HOOK3: variants seen among roughly 807,000 people sequenced by gnomAD.
HOOK3 encodes protein Hook homolog 3.
A neutral mutation model predicts 116.3 loss-of-function variants in HOOK3; 24 were observed. That is an observed-to-expected ratio of 0.21 (90% CI 0.15 to 0.29). The LOEUF (loss-of-function observed/expected upper bound fraction) is 0.29, where lower values mean the gene tolerates loss of function less well. Among genes scored for constraint, HOOK3 ranks in the 10% least tolerant of loss-of-function variants. HOOK3 has a pLI of 1.00. For synonymous variants in HOOK3, 275 were observed against 283.0 expected (o/e 0.97, Z 0.28); for missense variants, 632 against 830.2 (o/e 0.76, Z 2.93).
At chr8:42,948,381 A>G (rs1487781679) in intron 5 of HOOK3, among the ~76,000 whole-genome samples, 1 of 152,224 alleles carries the variant, frequency 6.6e-6, no homozygotes, top group Non-Finnish European at 1.5e-5. Context: ...TTAAAGATTC[A>G]TAAATTTTTT....
intron 4 of HOOK3, among the ~76,000 whole-genome samples, chr8:42,934,102 A>G (rs1019180928): frequency 6.6e-6 from 1 of 151,038 alleles, no homozygotes; most frequent in Non-Finnish European, 1.5e-5. Context: ...ACTTTTCTTT[A>G]CTTTATCCTC....
chr8:42,950,278 G>A (rs1808315429), intron 5 of HOOK3, 110 bp from the exon 6 acceptor site: 3 of 705,042 alleles, frequency 4.3e-6, no homozygotes, highest in Non-Finnish European at 7.5e-6. Context: ...ATTCCTAGGA[G>A]GAATCAAAAC....
At chr8:42,996,580 C>G (rs1809273644) in intron 15 of HOOK3, among the ~76,000 whole-genome samples, 1 of 152,004 alleles carries the variant, frequency 6.6e-6, no homozygotes, top group Non-Finnish European at 1.5e-5. Context: ...TCTCTCCGGC[C>G]TTTCTTCCTC....
intron 2 of HOOK3, among the ~76,000 whole-genome samples, chr8:42,911,535 T>C (rs1044615622): frequency 2.0e-5 from 3 of 152,172 alleles, no homozygotes; most frequent in African/African-American, 7.2e-5. Context: ...GGATTTACAT[T>C]TTGAAAAATA....
Position 42,974,191 on chromosome 8 carries a change from C to A in HOOK3, c.1318C>A (p.Gln440Lys). 6.2e-7 allele frequency: 1 copy of A among 1,609,824 alleles called. No individual in the cohort carries two copies. The highest frequency in any genetic ancestry group is 8.5e-7 in the Non-Finnish European group (1 of 1,176,318). ...VQAQEGQLTT[Q>K]GLMPLGSQES... ...AGCTCAAGAAGGGCAGCTCACAACACAAGGTAAAAACGTTTTGCGAGTACA... is the reference window on the plus strand; with the variant it reads ...AGCTCAAGAAGGGCAGCTCACAACAAAAGGTAAAAACGTTTTGCGAGTACA... The change falls in exon 13 of 22, where the codon CAA (glutamine) becomes AAA (lysine). Residue 440 changes from glutamine to lysine, a missense_variant. By Grantham distance (53) the Gln-to-Lys change is moderately conservative. Transcript: ENST00000307602.
In HOOK3 at chr8:43,024,200, T is replaced by C. The variant is rs1164740442; in HGVS notation, c.*5702T>C. The C allele has an allele frequency of 4.9e-6, 1 of 202,908 alleles. No individual in the cohort carries two copies. The highest frequency in any genetic ancestry group is 1.0e-5 in the Non-Finnish European group (1 of 98,882). 12.6% of individuals were successfully genotyped at this position (202,908 alleles called of 1,614,324 possible). On this transcript the variant is annotated 3_prime_UTR_variant, in exon 22 of 22. Transcript: ENST00000307602. Reference sequence around the variant, plus strand: ...TAACAACATGAAGACAAAGTGCTTTTTGTTGTCTATTCATGAAACTGTAGA... The same window carrying C: ...TAACAACATGAAGACAAAGTGCTTTCTGTTGTCTATTCATGAAACTGTAGA...
At chr8:42,932,330 C>A (rs770177215) in intron 4 of HOOK3, among the ~76,000 whole-genome samples, 6 of 151,580 alleles carry the variant, frequency 4.0e-5, no homozygotes, top group Non-Finnish European at 7.4e-5. Context: ...TTGTTCTGAG[C>A]ATCATGCCTA....
In HOOK3 at chr8:42,906,179, A is replaced by T; in HGVS notation, c.64A>T (p.Thr22Ser). 3 of 906,364 alleles carry T rather than the reference A, an allele frequency of 3.3e-6. No homozygotes were observed. Among genetic ancestry groups the T allele is most frequent in the Non-Finnish European group, 4.9e-6 (3 of 609,938 alleles). The allele number at this position is 906,364 out of a possible 1,614,324, so 56.1% of individuals were successfully genotyped here. A position where few individuals can be genotyped will look rare whatever the true frequency, so the allele number is the denominator to read the frequency against. Residue 22 changes from threonine to serine, a missense_variant, in exon 2 of 22, where the codon ACA becomes TCA. By Grantham distance (58) the Thr-to-Ser change is moderately conservative. This residue lies in a region of HOOK3 where 141 missense variants were observed against 150.8 expected (regional missense o/e 0.93). Coordinates refer to ENST00000307602, the MANE Select transcript of HOOK3 (RefSeq NM_032410.4). ...LCESLLTWIQ[T>S]FNVDAPCQTV... is the part of the protein sequence containing the mutation. ...CCTCTTTTTTTCCCTTCAGATCCAG[A>T]CATTTAATGTGGATGCACCATGCCA...
At chr8:42,982,511 CCTTTA>C in intron 13 of HOOK3, 111 bp from the exon 14 acceptor site, 1 of 703,902 alleles carries the variant, frequency 1.4e-6, no homozygotes, top group Non-Finnish European at 2.6e-6. Context: ...GTGACGTGGT[CCTTTA>C]CTTGAAAATG....
At chr8:42,933,406 C>T (rs536097685) in intron 4 of HOOK3, among the ~76,000 whole-genome samples, 3 of 152,250 alleles carry the variant, frequency 2.0e-5, no homozygotes, top group East Asian at 3.9e-4. Flanking sequence ...GCATACACTA[C>T]GTATTGTGTA....
At chr8:42,914,592 T>TA (rs1172231443) in intron 2 of HOOK3, among the ~76,000 whole-genome samples, 3 of 152,224 alleles carry the variant, frequency 2.0e-5, no homozygotes, top group African/African-American at 2.4e-5. Flanking sequence ...TCTTTCCTCT[T>TA]AGTCAGCTGA....
In HOOK3 at chr8:42,931,648, G is replaced by T. The variant is rs555494050; in HGVS notation, c.267+1476G>T. Among the ~76,000 whole-genome samples, 346 of 151,666 alleles carry T rather than the reference G, an allele frequency of 2.3e-3. 1 individual carries two copies. The highest frequency in any genetic ancestry group is 4.1e-3 in the Non-Finnish European group (276 of 67,902). On this transcript the variant is annotated intron_variant, in intron 4 of 21. Coordinates refer to ENST00000307602, the MANE Select transcript of HOOK3 (RefSeq NM_032410.4). ...GGGGTTTCACTGTGTTAGCCAGGATGGTCTCGATCTCCTGACCTCGTGATC... is the reference window on the plus strand; with the variant it reads ...GGGGTTTCACTGTGTTAGCCAGGATTGTCTCGATCTCCTGACCTCGTGATC...
chr8:42,952,272 T>A (rs1016561137), intron 6 of HOOK3, among the ~76,000 whole-genome samples: 1 of 152,162 alleles, frequency 6.6e-6, no homozygotes, highest in Non-Finnish European at 1.5e-5. Flanking sequence ...TGGATACAAA[T>A]CAAATTAAAT....
intron 2 of HOOK3, among the ~76,000 whole-genome samples, chr8:42,920,937 A>G (rs1350146610): frequency 6.6e-6 from 1 of 152,156 alleles, no homozygotes; most frequent in Non-Finnish European, 1.5e-5. Context: ...TGATAGTAGC[A>G]GCTGATTTTG....
chr8:42,964,172 A>T, intron 8 of HOOK3, 139 bp from the exon 9 acceptor site: 1 of 769,634 alleles, frequency 1.3e-6, no homozygotes, highest in Non-Finnish European at 2.1e-6. Context: ...GCGCCACTGC[A>T]CTCCAGCCTG....
chr8:42,947,171 C>CT (rs1157119428), intron 5 of HOOK3, among the ~76,000 whole-genome samples: 1 of 152,122 alleles, frequency 6.6e-6, no homozygotes, highest in Non-Finnish European at 1.5e-5. Context: ...CCTGGAGTGT[C>CT]TAACAAGTGT....
intron 15 of HOOK3, chr8:42,994,396 A>T (rs1191788065): frequency 2.6e-6 from 1 of 391,210 alleles, no homozygotes; most frequent in African/African-American, 2.2e-5. Context: ...TGGCATCGTT[A>T]GGTTGTTTAT....
chr8:42,975,132 C>T (rs996291526), intron 13 of HOOK3, among the ~76,000 whole-genome samples: 4 of 152,118 alleles, frequency 2.6e-5, no homozygotes, highest in Non-Finnish European at 5.9e-5. Context: ...AGGCCAGGCT[C>T]TTGAGGGGTT....
chr8:42,966,400 T>G, intron 9 of HOOK3, 73 bp from the exon 10 acceptor site: 1 of 1,484,070 alleles, frequency 6.7e-7, no homozygotes, highest in Non-Finnish European at 9.2e-7. Context: ...CTTTATATCT[T>G]TCTTTTACTG....
Sources: allele counts gnomAD v4.1 joint callset (sites outside exome capture counted in the v4.1 genomes callset), GRCh38; gene constraint gnomAD v4.1.1; regional missense constraint gnomAD v4.1.1; transcripts MANE v1.5; gene names NCBI Gene and HGNC (gene_info 2026-07-23, HGNC 2026-07-21).